The following MAOA variants were observed in gnomAD, a reference collection of about 807,000 sequenced individuals.
The protein encoded by MAOA is monoamine oxidase A, also known as amine oxidase [flavin-containing] A.
MAOA carries 6 observed loss-of-function variants against 42.0 expected under a neutral mutation model. That is an observed-to-expected ratio of 0.14 (90% CI 0.08 to 0.28). The LOEUF is 0.28. Ranked by LOEUF, MAOA falls within the 10% of genes least tolerant of loss-of-function variation. The pLI is 1.00. For synonymous variants in MAOA, 140 were observed against 154.0 expected, an observed-to-expected ratio of 0.91 and a Z score of 0.67; for missense variants, 262 against 422.3, an observed-to-expected ratio of 0.62 and a Z score of 3.33.
intron 5 of MAOA, among the ~76,000 whole-genome samples, chrX:43,724,900 C>T (rs769392341): frequency 8.9e-5 from 10 of 112,050 alleles, no homozygotes; most frequent in Non-Finnish European, 1.5e-4. Context: ...TTTCAAAGAA[C>T]ATCTTTATTT....
intron 3 of MAOA, among the ~76,000 whole-genome samples, chrX:43,701,159 C>T (rs915205842): frequency 8.1e-5 from 9 of 111,448 alleles, no homozygotes; most frequent in Non-Finnish European, 1.5e-4. Flanking sequence ...AACTTTCATT[C>T]TTTTTTCCCC....
chrX:43,699,629 G>A (rs1268182023), intron 3 of MAOA, among the ~76,000 whole-genome samples: 2 of 111,256 alleles, frequency 1.8e-5, no homozygotes, highest in African/African-American at 6.6e-5. Context: ...TTTGCTGACA[G>A]TAACAGCTCA....
intron 1 of MAOA, among the ~76,000 whole-genome samples, chrX:43,668,890 G>A (rs1304809080): frequency 1.8e-5 from 2 of 111,681 alleles, no homozygotes; most frequent in Admixed American, 9.5e-5. Context: ...CATTACATTT[G>A]TAGATTTATT....
At chrX:43,700,168 A>G (rs773635310) in intron 3 of MAOA, among the ~76,000 whole-genome samples, 2 of 111,625 alleles carry the variant, frequency 1.8e-5, no homozygotes, top group Admixed American at 1.9e-4. Flanking sequence ...TACATGTTTT[A>G]CCTCACTTGA....
intron 1 of MAOA, among the ~76,000 whole-genome samples, chrX:43,663,295 CTTTG>C (rs1467146626): frequency 8.9e-6 from 1 of 111,850 alleles, no homozygotes; most frequent in African/African-American, 3.2e-5. Context: ...TTCTCTGAGA[CTTTG>C]TTTAAAACCC....
At chrX:43,720,524 T>A (rs760419570) in intron 5 of MAOA, among the ~76,000 whole-genome samples, 1 of 110,085 alleles carries the variant, frequency 9.1e-6, no homozygotes, top group East Asian at 2.9e-4. Flanking sequence ...TGTAGCAAGA[T>A]ACATCTTCCA....
At chrX:43,686,402 A>AC (rs1262702681) in intron 2 of MAOA, among the ~76,000 whole-genome samples, 5 of 112,324 alleles carry the variant, frequency 4.5e-5, no homozygotes, top group Admixed American at 2.8e-4. Flanking sequence ...ATGACATTAC[A>AC]CCCCCCTTAG....
intron 1 of MAOA, among the ~76,000 whole-genome samples, chrX:43,676,793 G>A (rs1032839120): frequency 1.8e-5 from 2 of 108,717 alleles, no homozygotes; most frequent in Non-Finnish European, 3.8e-5. Flanking sequence ...GTGTGTGTGT[G>A]TGTGTAGTGC....
chrX:43,728,663 T>G (rs988989379), intron 6 of MAOA, among the ~76,000 whole-genome samples: 2 of 112,622 alleles, frequency 1.8e-5, no homozygotes, highest in African/African-American at 3.2e-5. Flanking sequence ...CTTAAAATCA[T>G]CTCTGTTCTA....
intron 5 of MAOA, among the ~76,000 whole-genome samples, chrX:43,715,807 A>C (rs1485751772): frequency 1.8e-5 from 2 of 110,200 alleles, no homozygotes; most frequent in Admixed American, 1.9e-4. Context: ...CTGTGTTTGT[A>C]GGGGGAGGGC....
chrX:43,719,321 T>G lies in MAOA; in HGVS notation c.503+6525T>G, dbSNP rs772891405. Among the ~76,000 whole-genome samples the G allele has an allele frequency of 4.5e-5, 5 of 110,029 alleles. No individual in the cohort carries two copies. In the South Asian group the frequency reaches 1.9e-3, roughly 43 times the overall value. On this transcript the variant is annotated intron_variant, in intron 5 of 14. Coordinates refer to ENST00000338702, the MANE Select transcript of MAOA (RefSeq NM_000240.4). Reference sequence around the variant, plus strand: ...GGCAGTAGTGGGGGTGGAGACAGGATGGAAGGTGGATGTGGATGGTATTTT... The same window carrying G: ...GGCAGTAGTGGGGGTGGAGACAGGAGGGAAGGTGGATGTGGATGGTATTTT...
chrX:43,674,851 C>A (rs2033377339), intron 1 of MAOA, among the ~76,000 whole-genome samples: 1 of 109,689 alleles, frequency 9.1e-6, no homozygotes, highest in Non-Finnish European at 1.9e-5. Flanking sequence ...TGTGGGTAAC[C>A]CGACCTTTCT....
intron 10 of MAOA, 114 bp from the exon 11 acceptor site, chrX:43,740,567 C>A (rs1377933822): frequency 3.5e-6 from 2 of 567,826 alleles, no homozygotes; most frequent in Non-Finnish European, 5.2e-6. Context: ...TTTAATTTAT[C>A]TGTAATAAAT....
chrX:43,661,842 C>T (rs186296633), intron 1 of MAOA, among the ~76,000 whole-genome samples: 43 of 111,536 alleles, frequency 3.9e-4, no homozygotes, highest in Non-Finnish European at 7.5e-4. Context: ...CAATAGAACT[C>T]CTCTCTATTT....
At chrX:43,742,806 A>G (rs911351187) in intron 12 of MAOA, among the ~76,000 whole-genome samples, 4 of 112,379 alleles carry the variant, frequency 3.6e-5, no homozygotes, top group Non-Finnish European at 7.5e-5. Context: ...TCTGGTTTCC[A>G]GAGAAACAGA....
chrX:43,688,193 A>G (rs1263325156), intron 2 of MAOA, among the ~76,000 whole-genome samples: 4 of 112,309 alleles, frequency 3.6e-5, no homozygotes, highest in Non-Finnish European at 5.6e-5. Context: ...CCTTGCTCAC[A>G]TTGTTCCGGC....
intron 1 of MAOA, among the ~76,000 whole-genome samples, chrX:43,682,783 G>A (rs1268734171): frequency 8.9e-6 from 1 of 111,848 alleles, no homozygotes; most frequent in Non-Finnish European, 1.9e-5. Flanking sequence ...ATCAGATCAA[G>A]GTCAACATCA....
intron 5 of MAOA, among the ~76,000 whole-genome samples, chrX:43,725,696 G>GA (rs781756525): frequency 1.8e-5 from 2 of 111,669 alleles, no homozygotes; most frequent in Non-Finnish European, 3.8e-5. Context: ...TGTTATGTGT[G>GA]AATTTGATCC....
chrX:43,667,793 T>C (rs1302427881), intron 1 of MAOA, among the ~76,000 whole-genome samples: 1 of 112,069 alleles, frequency 8.9e-6, no homozygotes, highest in South Asian at 3.7e-4. Flanking sequence ...GTTTATTGTG[T>C]ATCCTTTCAG....
Sources: gnomAD v4.1 joint callset for allele counts (sites outside exome capture counted in the v4.1 genomes callset) on GRCh38, gnomAD v4.1.1 for gene constraint, MANE v1.5 for transcripts, NCBI Gene and HGNC (gene_info 2026-07-23, HGNC 2026-07-21) for gene names.